The following TRIM2 variants were observed in gnomAD, a reference collection of about 807,000 sequenced individuals.
TRIM2 encodes the protein tripartite motif-containing protein 2.
Under a neutral mutation model 75.2 loss-of-function variants are expected in TRIM2, and 20 were observed. The ratio of observed to expected loss-of-function variants is 0.27; its 90% confidence interval spans 0.19 to 0.39. The LOEUF (loss-of-function observed/expected upper bound fraction) is 0.39, where lower values mean the gene tolerates loss of function less well. TRIM2 is among the 10% of genes least tolerant of loss of function. The pLI is 1.00. For synonymous variants in TRIM2, 373 were observed against 388.3 expected (o/e 0.96, Z 0.46); for missense variants, 660 against 990.8 (o/e 0.67, Z 4.48).
chr4:153,171,700 T>C (rs900048951), intron 1 of TRIM2, among the ~76,000 whole-genome samples: 2 of 152,134 alleles, frequency 1.3e-5, no homozygotes, highest in African/African-American at 4.8e-5. Flanking sequence ...TATGTTTCTT[T>C]TGGAAAATTG....
At chr4:153,282,179 T>C (rs967051131) in intron 3 of TRIM2, among the ~76,000 whole-genome samples, 2 of 152,156 alleles carry the variant, frequency 1.3e-5, no homozygotes, top group Admixed American at 1.3e-4. Flanking sequence ...TCACTGGAGA[T>C]GGATGAAATG....
chr4:153,176,132 T>A (rs1731411557), intron 1 of TRIM2, among the ~76,000 whole-genome samples: 1 of 151,932 alleles, frequency 6.6e-6, no homozygotes, highest in Admixed American at 6.6e-5. Flanking sequence ...AATTTTTATA[T>A]GTATGTGTGA....
intron 1 of TRIM2, among the ~76,000 whole-genome samples, chr4:153,246,994 G>A (rs942041680): frequency 1.3e-5 from 2 of 152,302 alleles, no homozygotes; most frequent in African/African-American, 4.8e-5. Context: ...TGGAAGTGAG[G>A]CCTCCCGTTC....
intron 6 of TRIM2, among the ~76,000 whole-genome samples, chr4:153,303,852 T>G (rs1332082038): frequency 6.6e-6 from 1 of 152,208 alleles, no homozygotes; most frequent in Non-Finnish European, 1.5e-5. Context: ...CAACTCAGAT[T>G]TTCATCTTTG....
chr4:153,215,504 A>G (rs1048510034), intron 1 of TRIM2, among the ~76,000 whole-genome samples: 2 of 152,078 alleles, frequency 1.3e-5, no homozygotes, highest in African/African-American at 2.4e-5. Context: ...TCTATAAAAA[A>G]AAAAGCTCAA....
At chr4:153,206,307 GT>G (rs1404881316) in intron 1 of TRIM2, among the ~76,000 whole-genome samples, 2 of 152,194 alleles carry the variant, frequency 1.3e-5, no homozygotes, top group African/African-American at 2.4e-5. Context: ...CCTTCCTCAG[GT>G]AGATTACAAG....
chr4:153,264,933 A>G (rs73854638), intron 1 of TRIM2, among the ~76,000 whole-genome samples: 135 of 152,340 alleles, frequency 8.9e-4, no homozygotes, highest in African/African-American at 3.1e-3. Context: ...TCATGATTTT[A>G]AATTAGTGTT....
At position 153,295,555 on chromosome 4, in the gene TRIM2, G is replaced by C; in HGVS notation, c.1029G>C (p.Gly343=). 6.2e-7 allele frequency: 1 copy of C among 1,613,436 alleles called. No homozygotes were observed. Among genetic ancestry groups the C allele is most frequent in the Non-Finnish European group, 8.5e-7 (1 of 1,179,586 alleles). The change falls in exon 6 of 12, where the codon GGG becomes GGC. Residue 343 remains glycine, a synonymous_variant. Transcript: ENST00000338700. The surrounding 1 kb of genome is among the most constrained non-coding windows in gnomAD (Gnocchi z 7.2). ...EGLKKSIHNL[G]TILTTNAVAS... ...TGAAGAAGTCCATCCACAACCTCGGGACGATCTTAACCACCAACGCCGTTG... is the reference window on the plus strand; with the variant it reads ...TGAAGAAGTCCATCCACAACCTCGGCACGATCTTAACCACCAACGCCGTTG...
At chr4:153,261,043 G>A (rs955013864) in intron 1 of TRIM2, among the ~76,000 whole-genome samples, 3 of 152,128 alleles carry the variant, frequency 2.0e-5, no homozygotes, top group African/African-American at 7.2e-5. Flanking sequence ...AATCCAAATG[G>A]TTCAGGATTT....
chr4:153,293,092 C>G lies in TRIM2; in HGVS notation c.564C>G (p.His188Gln). The G allele has an allele frequency of 1.2e-6, 2 of 1,612,888 alleles. No individual in the cohort carries two copies. The highest frequency in any genetic ancestry group is 2.2e-5 in the South Asian group (2 of 91,008). Residue 188 changes from histidine (H) to glutamine (Q), a missense_variant, in exon 4 of 12, where the codon CAC becomes CAG. Around this residue, in one of 2 missense-constraint regions of TRIM2, gnomAD observed 620 missense variants for 891.0 expected, o/e 0.70. Coordinates refer to ENST00000338700, the MANE Select transcript of TRIM2 (RefSeq NM_015271.5). Reference sequence around the variant, plus strand: ...CACTCAAGGATGTGGTGGAACAGCACAAGGCCTCGCTCCAGGTCCAGCTGG... The same window carrying G: ...CACTCAAGGATGTGGTGGAACAGCAGAAGGCCTCGCTCCAGGTCCAGCTGG... The part of the protein sequence containing the change: ...TVPLKDVVEQ[H>Q]KASLQVQLDA...
At chr4:153,301,204 T>A (rs957125157) in intron 6 of TRIM2, among the ~76,000 whole-genome samples, 98 of 149,444 alleles carry the variant, frequency 6.6e-4, no homozygotes, top group Middle Eastern at 3.4e-3. Context: ...AAAAAAAAAA[T>A]AGACATGGGG....
At chr4:153,216,371 T>C (rs1439420368) in intron 1 of TRIM2, among the ~76,000 whole-genome samples, 1 of 152,230 alleles carries the variant, frequency 6.6e-6, no homozygotes, top group African/African-American at 2.4e-5. Flanking sequence ...TTTTAGTACT[T>C]ACTTTCCTGT....
chr4:153,275,190 T>C (rs1757749935), intron 2 of TRIM2, among the ~76,000 whole-genome samples: 1 of 152,172 alleles, frequency 6.6e-6, no homozygotes, highest in Admixed American at 6.5e-5. Flanking sequence ...ACAGTACCTA[T>C]CTCATAGGCT....
upstream of TRIM2, among the ~76,000 whole-genome samples, chr4:153,201,667 C>T (rs1157061769): frequency 6.6e-6 from 1 of 151,778 alleles, no homozygotes. Context: ...TGCACTCCAG[C>T]CTGGGTGACA....
intron 6 of TRIM2, among the ~76,000 whole-genome samples, chr4:153,314,705 A>G (rs533152770): frequency 1.3e-5 from 2 of 152,206 alleles, no homozygotes; most frequent in South Asian, 4.1e-4. Context: ...TCTTTTTATA[A>G]TTTCAGGAAG....
In TRIM2 at chr4:153,294,223, T is replaced by A. The variant is rs549514030; in HGVS notation, c.606-82T>A. ...GATGATGAAAGGCATAGAATTTTTT[T>A]AAACAAAATGTAGTGTTTAGATAGA... On this transcript the variant is annotated intron_variant, in intron 4 of 11. Transcript: ENST00000338700. 28 of 1,443,618 alleles carry A rather than the reference T, an allele frequency of 1.9e-5. No homozygotes were observed. In the African/African-American group the frequency reaches 2.9e-4, roughly 15 times the overall value. The allele number at this position is 1,443,618 out of a possible 1,614,324, so 89.4% of individuals were successfully genotyped here. A position where few individuals can be genotyped will look rare whatever the true frequency, so the allele number is the denominator to read the frequency against.
At chr4:153,296,117 A>G in intron 6 of TRIM2, 81 bp downstream of exon 6, 2 of 1,478,008 alleles carry the variant, frequency 1.4e-6, no homozygotes, top group East Asian at 2.3e-5. Flanking sequence ...GCAAATAGCA[A>G]CACTGCAGCC....
chr4:153,297,156 A>T (rs1266114142), intron 6 of TRIM2, among the ~76,000 whole-genome samples: 5 of 152,188 alleles, frequency 3.3e-5, no homozygotes, highest in Admixed American at 3.3e-4. Context: ...TCTTGGGCAG[A>T]GCTGCTCAAT....
intron 1 of TRIM2, among the ~76,000 whole-genome samples, chr4:153,262,895 A>G (rs757169603): frequency 5.9e-5 from 9 of 152,212 alleles, no homozygotes; most frequent in Admixed American, 1.3e-4. Flanking sequence ...TCTATGCCAG[A>G]TGTTTCTCAC....
Sources: allele counts gnomAD v4.1 joint callset (sites outside exome capture counted in the v4.1 genomes callset), GRCh38; gene constraint gnomAD v4.1.1; regional missense constraint gnomAD v4.1.1; non-coding constraint Gnocchi (gnomAD v3.1); transcripts MANE v1.5; gene names NCBI Gene and HGNC (gene_info 2026-07-23, HGNC 2026-07-21).